The following PLXDC2 variants were observed in gnomAD, a reference collection of about 807,000 sequenced individuals.
PLXDC2 encodes plexin domain-containing protein 2.
Under a neutral mutation model 68.9 loss-of-function variants are expected in PLXDC2, and 40 were observed. The observed-to-expected ratio is 0.58, with a 90% CI of 0.45 to 0.76. PLXDC2 has a LOEUF of 0.76. Among genes scored for constraint, PLXDC2 ranks in the 30% least tolerant of loss-of-function variants. The probability of loss-of-function intolerance (pLI) is 0.00; values close to 1 mark genes in which losing one functional copy is unlikely to be tolerated. For synonymous variants in PLXDC2, 243 were observed against 234.2 expected, an observed-to-expected ratio of 1.04 and a Z score of -0.34; for missense variants, 644 against 661.9, an observed-to-expected ratio of 0.97 and a Z score of 0.30.
chr10:19,836,742 T>C (rs1836799866), intron 1 of PLXDC2, among the ~76,000 whole-genome samples: 1 of 152,208 alleles, frequency 6.6e-6, no homozygotes, highest in Non-Finnish European at 1.5e-5. Flanking sequence ...TTAAAGTCAA[T>C]TTTACACCCT....
intron 1 of PLXDC2, among the ~76,000 whole-genome samples, chr10:19,997,940 C>T (rs537209010): frequency 3.0e-4 from 46 of 152,298 alleles, no homozygotes; most frequent in Admixed American, 1.7e-3. Flanking sequence ...TTCAAAGCTT[C>T]GTCTTCTTAT....
chr10:20,070,623 C>A (rs887554968), intron 4 of PLXDC2, among the ~76,000 whole-genome samples: 2 of 152,144 alleles, frequency 1.3e-5, no homozygotes, highest in Non-Finnish European at 2.9e-5. Context: ...AGCCATGAAT[C>A]ATATCCTGTC....
At chr10:19,856,379 G>GAC (rs34129216) in intron 1 of PLXDC2, among the ~76,000 whole-genome samples, 12,290 of 144,102 alleles carry the variant, frequency 0.085, 673 homozygotes, top group African/African-American at 0.16. Flanking sequence ...CACACACACA[G>GAC]ACACACACAC....
At chr10:20,155,338 C>G (rs1338434230) in intron 6 of PLXDC2, among the ~76,000 whole-genome samples, 3 of 152,170 alleles carry the variant, frequency 2.0e-5, no homozygotes, top group Middle Eastern at 3.2e-3. Flanking sequence ...AAGAACAGAA[C>G]AGTGAGACCA....
rs1484131963 is a variant in PLXDC2, at chr10:20,284,330, T to TATATATATATACACAC, written c.*4512_*4513insTATATATATACACACA. 20 of 126,352 alleles carry TATATATATATACACAC rather than the reference T, an allele frequency of 1.6e-4. No individual in the cohort carries two copies. In the East Asian group the frequency reaches 3.6e-3, roughly 22 times the overall value. The allele number at this position is 126,352 out of a possible 1,614,324, so 7.8% of individuals were successfully genotyped here. A position where few individuals can be genotyped will look rare whatever the true frequency, so the allele number is the denominator to read the frequency against. On this transcript the variant is annotated 3_prime_UTR_variant, in exon 14 of 14. Transcript: ENST00000377252. ...AAATATACATATATATATATATATA[T>TATATATATATACACAC]ACACACACACACACACACACACAAA...
At chr10:20,065,228 G>C (rs1489544656) in intron 3 of PLXDC2, among the ~76,000 whole-genome samples, 1 of 152,210 alleles carries the variant, frequency 6.6e-6, no homozygotes. Context: ...CAAGAGCTAA[G>C]GGTAGCAAGT....
rs539862474 is a variant in PLXDC2, at chr10:19,891,180, G to T, written c.112+73989G>T. Among the ~76,000 whole-genome samples the T allele has an allele frequency of 1.6e-3, 243 of 152,264 alleles. 1 individual carries two copies. The highest frequency in any genetic ancestry group is 5.3e-3 in the African/African-American group (222 of 41,566). Reference sequence around the variant, plus strand: ...GAGTTAGAATAAAGCAAAATATGCTGCATTGTCCTTAAAAACAACAAAAAA... The same window carrying T: ...GAGTTAGAATAAAGCAAAATATGCTTCATTGTCCTTAAAAACAACAAAAAA... On this transcript the variant is annotated intron_variant, in intron 1 of 13. Coordinates refer to ENST00000377252, the MANE Select transcript of PLXDC2 (RefSeq NM_032812.9).
chr10:20,123,200 C>A (rs569864989), intron 4 of PLXDC2, among the ~76,000 whole-genome samples: 5 of 151,868 alleles, frequency 3.3e-5, no homozygotes, highest in African/African-American at 1.2e-4. Context: ...GGACCTAGCT[C>A]GGCCTGGCGA....
chr10:20,231,799 T>C (rs1340457196), intron 12 of PLXDC2, among the ~76,000 whole-genome samples: 3 of 152,080 alleles, frequency 2.0e-5, no homozygotes, highest in Admixed American at 1.3e-4. Context: ...GAGGAGCACT[T>C]GAGCCCAGGA....
chr10:20,089,758 C>T (rs763583369), intron 4 of PLXDC2, among the ~76,000 whole-genome samples: 1 of 152,066 alleles, frequency 6.6e-6, no homozygotes, highest in African/African-American at 2.4e-5. Flanking sequence ...AGTGCATTGA[C>T]AAAACTTTTA....
At chr10:20,053,218 C>G in intron 3 of PLXDC2, among the ~76,000 whole-genome samples, 1 of 152,072 alleles carries the variant, frequency 6.6e-6, no homozygotes. Flanking sequence ...TCTGTGTATA[C>G]TGGAATTTGA....
chr10:19,907,183 G>T (rs76156520), intron 1 of PLXDC2, among the ~76,000 whole-genome samples: 1,579 of 152,170 alleles, frequency 0.01, 37 homozygotes, highest in African/African-American at 0.036. Context: ...AGCGCTAAGA[G>T]CCTGAAATTC....
intron 4 of PLXDC2, among the ~76,000 whole-genome samples, chr10:20,129,775 T>C (rs563036057): frequency 1.3e-5 from 2 of 152,130 alleles, no homozygotes; most frequent in Non-Finnish European, 2.9e-5. Context: ...GACTACCTTT[T>C]CAGCCATTGT....
chr10:19,974,518 C>G (rs1281903538), intron 1 of PLXDC2, among the ~76,000 whole-genome samples: 1 of 152,154 alleles, frequency 6.6e-6, no homozygotes, highest in Non-Finnish European at 1.5e-5. Flanking sequence ...CTGGTGTTTA[C>G]TGTGTCTGGA....
intron 4 of PLXDC2, among the ~76,000 whole-genome samples, chr10:20,086,625 T>G (rs1162899031): frequency 6.6e-6 from 1 of 152,152 alleles, no homozygotes; most frequent in Admixed American, 6.5e-5. Flanking sequence ...CTCTTCAAAT[T>G]CACATTATTG....
chr10:19,888,792 G>T (rs1355863760), intron 1 of PLXDC2, among the ~76,000 whole-genome samples: 2 of 151,992 alleles, frequency 1.3e-5, no homozygotes, highest in African/African-American at 4.8e-5. Context: ...GTAAAATCAA[G>T]GAAAGCACGG....
chr10:20,071,569 C>A (rs1380606688), intron 4 of PLXDC2, among the ~76,000 whole-genome samples: 7 of 152,174 alleles, frequency 4.6e-5, no homozygotes, highest in Admixed American at 2.0e-4. Flanking sequence ...GTAAGACATG[C>A]CTTTACTCCT....
At chr10:19,884,360 T>A (rs998217331) in intron 1 of PLXDC2, among the ~76,000 whole-genome samples, 2 of 152,218 alleles carry the variant, frequency 1.3e-5, no homozygotes, top group Non-Finnish European at 2.9e-5. Flanking sequence ...AATGAGATTT[T>A]TTTTTATAAT....
Position 20,245,330 on chromosome 10 carries a change from G to A in PLXDC2, c.1313-15G>A. 6.2e-7 allele frequency: 1 copy of A among 1,603,620 alleles called. No individual in the cohort carries two copies. The highest frequency in any genetic ancestry group is 8.5e-7 in the Non-Finnish European group (1 of 1,175,664). ...TAAACTCATGAAGGTCCTGACAGCT[G>A]GGATGTTCTTTCAGCTTCTACAGAT... is the stretch of plus-strand genomic sequence containing the variant. On this transcript the variant is annotated splice_polypyrimidine_tract_variant and intron_variant, in intron 12 of 13. Coordinates refer to ENST00000377252, the MANE Select transcript of PLXDC2 (RefSeq NM_032812.9).
Sources: gnomAD v4.1 joint callset for allele counts (sites outside exome capture counted in the v4.1 genomes callset) on GRCh38, gnomAD v4.1.1 for gene constraint, MANE v1.5 for transcripts, NCBI Gene and HGNC (gene_info 2026-07-23, HGNC 2026-07-21) for gene names.